NKAIN3: variants seen among roughly 807,000 people sequenced by gnomAD.
NKAIN3 encodes the protein sodium/potassium-transporting ATPase subunit beta-1-interacting protein 3.
In NKAIN3, 25 loss-of-function variants were observed where a neutral mutation model predicts 30.2. That is an observed-to-expected ratio of 0.83 (90% CI 0.60 to 1.16). The LOEUF (loss-of-function observed/expected upper bound fraction) is 1.16, where lower values mean the gene tolerates loss of function less well. Ranked by LOEUF, NKAIN3 falls within the 50% of genes most tolerant of loss-of-function variation. The pLI is 0.00. For missense variants in NKAIN3, 225 were observed against 254.1 expected (o/e 0.89, Z 0.78); for synonymous variants, 91 against 89.6 (o/e 1.02, Z -0.09).
chr8:62,888,237 G>C (rs1821202861), intron 4 of NKAIN3, among the ~76,000 whole-genome samples: 1 of 152,262 alleles, frequency 6.6e-6, no homozygotes, highest in East Asian at 1.9e-4. Context: ...TAAAATAAAA[G>C]TTTCTCTTGA....
At chr8:62,459,055 C>CAA (rs1805906137) in intron 1 of NKAIN3, among the ~76,000 whole-genome samples, 2 of 38,744 alleles carry the variant, frequency 5.2e-5, no homozygotes, top group African/African-American at 1.5e-4. Context: ...TGTGTGTTGT[C>CAA]AGAGAAAAAA....
At chr8:62,625,714 A>C (rs901540337) in intron 3 of NKAIN3, among the ~76,000 whole-genome samples, 6 of 152,142 alleles carry the variant, frequency 3.9e-5, no homozygotes, top group African/African-American at 1.4e-4. Context: ...GGTACCTAAT[A>C]GAAGGAGACA....
chr8:62,960,775 T>C (rs557141913), intron 6 of NKAIN3, among the ~76,000 whole-genome samples: 3 of 142,988 alleles, frequency 2.1e-5, no homozygotes, highest in Non-Finnish European at 3.0e-5. Context: ...AGAAAAGCAA[T>C]AGAAAAAGAA....
chr8:62,405,413 T>G (rs1804031294), intron 1 of NKAIN3, among the ~76,000 whole-genome samples: 1 of 152,212 alleles, frequency 6.6e-6, no homozygotes, highest in Admixed American at 6.5e-5. Context: ...CCTGTGGTGG[T>G]GGAGCTGCAA....
At chr8:62,471,991 G>A (rs909243644) in intron 1 of NKAIN3, among the ~76,000 whole-genome samples, 4 of 147,694 alleles carry the variant, frequency 2.7e-5, no homozygotes, top group South Asian at 2.1e-4. Context: ...AACAGCCTGC[G>A]CCCAGCCTGG....
chr8:62,281,032 A>G (rs1289637875), intron 1 of NKAIN3, among the ~76,000 whole-genome samples: 1 of 152,176 alleles, frequency 6.6e-6, no homozygotes, highest in African/African-American at 2.4e-5. Flanking sequence ...TAGTCTATTA[A>G]TTGTTGCCTC....
intron 1 of NKAIN3, among the ~76,000 whole-genome samples, chr8:62,569,283 G>C (rs1042611849): frequency 6.6e-6 from 1 of 152,124 alleles, no homozygotes; most frequent in African/African-American, 2.4e-5. Flanking sequence ...CTTTTTTTCA[G>C]AGCTCTGAAA....
At chr8:62,925,289 G>T (rs1485517922) in intron 5 of NKAIN3, among the ~76,000 whole-genome samples, 2 of 152,136 alleles carry the variant, frequency 1.3e-5, no homozygotes, top group African/African-American at 4.8e-5. Flanking sequence ...AAAATACATA[G>T]TGGAGAAAAT....
intron 5 of NKAIN3, among the ~76,000 whole-genome samples, chr8:62,934,161 G>A (rs1822709585): frequency 6.6e-6 from 1 of 152,166 alleles, no homozygotes; most frequent in Admixed American, 6.5e-5. Context: ...AAGGTGGAAA[G>A]ATCTCTTGAG....
chr8:62,449,197 C>A (rs1413496117), intron 1 of NKAIN3, among the ~76,000 whole-genome samples: 1 of 151,840 alleles, frequency 6.6e-6, no homozygotes, highest in Non-Finnish European at 1.5e-5. Flanking sequence ...TTATGGTTTC[C>A]AGTATTTTCC....
intron 3 of NKAIN3, among the ~76,000 whole-genome samples, chr8:62,710,126 C>T (rs1002961002): frequency 2.0e-5 from 3 of 151,838 alleles, no homozygotes; most frequent in East Asian, 3.9e-4. Flanking sequence ...TACTGAAGCT[C>T]GTTTTATGGC....
intron 1 of NKAIN3, among the ~76,000 whole-genome samples, chr8:62,532,700 G>A (rs142699040): frequency 1.1e-4 from 16 of 152,250 alleles, no homozygotes; most frequent in Non-Finnish European, 1.8e-4. Context: ...TTGTTATCCC[G>A]CTCTGCTTCC....
intron 4 of NKAIN3, among the ~76,000 whole-genome samples, chr8:62,789,731 G>A (rs1817641541): frequency 1.3e-5 from 2 of 151,858 alleles, no homozygotes; most frequent in Admixed American, 1.3e-4. Flanking sequence ...ATAAATTCCT[G>A]GACACATACA....
intron 3 of NKAIN3, among the ~76,000 whole-genome samples, chr8:62,715,660 T>G (rs73266942): frequency 6.6e-6 from 1 of 152,164 alleles, no homozygotes; most frequent in African/African-American, 2.4e-5. Context: ...TACAGATACA[T>G]TTGTTGTTGT....
At chr8:62,961,826 A>G (rs532707472) in intron 6 of NKAIN3, among the ~76,000 whole-genome samples, 3 of 152,360 alleles carry the variant, frequency 2.0e-5, no homozygotes, top group Non-Finnish European at 2.9e-5. Context: ...ATAAGGCTAT[A>G]TGATCTTCAT....
chr8:62,870,216 A>G (rs1820561147), intron 4 of NKAIN3, among the ~76,000 whole-genome samples: 1 of 143,900 alleles, frequency 6.9e-6, no homozygotes, highest in East Asian at 2.0e-4. Context: ...TTGTATATAT[A>G]TATCTATATC....
intron 1 of NKAIN3, chr8:62,482,148 GCCT>G (rs1585856856): frequency 6.6e-6 from 1 of 152,292 alleles, no homozygotes; most frequent in Non-Finnish European, 1.5e-5. Flanking sequence ...TCGTTTTCTA[GCCT>G]CCTCTTTTAT....
chr8:62,297,820 TG>T (rs1209923054), intron 1 of NKAIN3, among the ~76,000 whole-genome samples: 6 of 152,190 alleles, frequency 3.9e-5, no homozygotes, highest in Non-Finnish European at 8.8e-5. Context: ...ATCCCATTAC[TG>T]GGTATATACC....
Position 62,960,053 on chromosome 8 carries a change from A to G in NKAIN3, c.604-5301A>G, listed in dbSNP as rs1823527297. On this transcript the variant is annotated intron_variant, in intron 6 of 6. Transcript: ENST00000623646. ...GAATGGTTGTACCATGTCATGGACT[A>G]CTGTAAGAACACATCCTGATATATA... 2.0e-5 allele frequency among the ~76,000 whole-genome samples: 3 copies of G among 152,344 alleles called. No individual in the cohort carries two copies. In the South Asian group the frequency reaches 6.2e-4, roughly 32 times the overall value.
Sources: gnomAD v4.1 joint callset for allele counts (sites outside exome capture counted in the v4.1 genomes callset) on GRCh38, gnomAD v4.1.1 for gene constraint, MANE v1.5 for transcripts, NCBI Gene and HGNC (gene_info 2026-07-23, HGNC 2026-07-21) for gene names.